PTPRN2: variants seen among roughly 807,000 people sequenced by gnomAD.
The protein encoded by PTPRN2 is protein tyrosine phosphatase receptor type N2, also known as receptor-type tyrosine-protein phosphatase N2.
A neutral mutation model predicts 118.8 loss-of-function variants in PTPRN2; 74 were observed. That is an observed-to-expected ratio of 0.62 (90% CI 0.52 to 0.76). PTPRN2 has a LOEUF of 0.76. PTPRN2 is among the 30% of genes least tolerant of loss of function. PTPRN2 has a pLI of 0.00. For missense variants in PTPRN2, 1,481 were observed against 1,394.4 expected (o/e 1.06, Z -0.99); for synonymous variants, 641 against 608.0 (o/e 1.05, Z -0.80).
chr7:157,810,123 G>A (rs912381813), intron 12 of PTPRN2, among the ~76,000 whole-genome samples: 1 of 152,250 alleles, frequency 6.6e-6, no homozygotes, highest in Admixed American at 6.5e-5. Flanking sequence ...ACAACACCCT[G>A]AGCTTCTGCG....
intron 13 of PTPRN2, among the ~76,000 whole-genome samples, chr7:157,682,230 G>A (rs909828206): frequency 6.6e-6 from 1 of 152,104 alleles, no homozygotes; most frequent in African/African-American, 2.4e-5. Context: ...ATGGGGACGC[G>A]TGTGGGTCAC....
chr7:158,054,070 A>G (rs1184902733), intron 11 of PTPRN2, among the ~76,000 whole-genome samples: 1 of 151,736 alleles, frequency 6.6e-6, no homozygotes, highest in Middle Eastern at 3.2e-3. Context: ...CTAGAGATGG[A>G]GAGACCCCAG....
At chr7:158,072,132 G>T (rs1422411449) in intron 11 of PTPRN2, among the ~76,000 whole-genome samples, 3 of 146,606 alleles carry the variant, frequency 2.0e-5, no homozygotes, top group Non-Finnish European at 4.5e-5. Flanking sequence ...AGGTGCTCAT[G>T]TAGGATCTAA....
intron 12 of PTPRN2, among the ~76,000 whole-genome samples, chr7:157,844,124 C>A (rs1482652585): frequency 6.6e-6 from 1 of 151,636 alleles, no homozygotes; most frequent in Non-Finnish European, 1.5e-5. Flanking sequence ...GTGTGGAATG[C>A]AGGCCCCTCC....
intron 1 of PTPRN2, among the ~76,000 whole-genome samples, chr7:158,516,079 C>T (rs779462092): frequency 2.6e-5 from 4 of 152,350 alleles, no homozygotes; most frequent in South Asian, 2.1e-4. Flanking sequence ...CTTCTCCCCA[C>T]GCCCCGGCCG....
intron 11 of PTPRN2, among the ~76,000 whole-genome samples, chr7:157,952,747 C>T (rs1008062175): frequency 9.9e-5 from 15 of 152,072 alleles, no homozygotes; most frequent in Non-Finnish European, 1.8e-4. Context: ...TGTGCACAGG[C>T]CTGCCTGCCA....
At chr7:157,620,436 G>A (rs951774662) in intron 15 of PTPRN2, among the ~76,000 whole-genome samples, 1 of 152,214 alleles carries the variant, frequency 6.6e-6, no homozygotes, top group African/African-American at 2.4e-5. Flanking sequence ...GGTAGTAGGT[G>A]CTCAGTTTGT....
At chr7:157,877,035 G>A (rs113825432) in intron 12 of PTPRN2, among the ~76,000 whole-genome samples, 8 of 151,976 alleles carry the variant, frequency 5.3e-5, no homozygotes, top group East Asian at 1.9e-4. Flanking sequence ...GGGTTTCCTC[G>A]GGGACCCCAT....
chr7:158,334,795 G>A (rs1366108528), intron 2 of PTPRN2, among the ~76,000 whole-genome samples: 1 of 51,010 alleles, frequency 2.0e-5, no homozygotes, highest in African/African-American at 7.6e-5. Flanking sequence ...TAGAGCTGAC[G>A]CCCGCAGACG....
intron 12 of PTPRN2, among the ~76,000 whole-genome samples, chr7:157,791,233 G>C (rs950579004): frequency 1.3e-5 from 2 of 152,226 alleles, no homozygotes; most frequent in African/African-American, 4.8e-5. Context: ...ACGTCCATTT[G>C]CTGTGATAAG....
At chr7:157,777,579 C>T (rs548470463) in intron 12 of PTPRN2, among the ~76,000 whole-genome samples, 171 of 152,360 alleles carry the variant, frequency 1.1e-3, no homozygotes, top group Non-Finnish European at 1.3e-3. Context: ...TCCTGTCCCC[C>T]GGACACTATG....
At chr7:158,410,509 C>G (rs1813959383) in intron 2 of PTPRN2, among the ~76,000 whole-genome samples, 3 of 152,208 alleles carry the variant, frequency 2.0e-5, no homozygotes, top group Admixed American at 2.0e-4. Context: ...GACTCTGAGG[C>G]ATGTGGGGTG....
At chr7:158,354,394 C>T (rs1022755088) in intron 2 of PTPRN2, among the ~76,000 whole-genome samples, 3 of 152,036 alleles carry the variant, frequency 2.0e-5, no homozygotes, top group African/African-American at 7.3e-5. Flanking sequence ...AACAAAGTGG[C>T]GATTTGTGAG....
At chr7:158,300,141 G>A (rs7802248) in intron 3 of PTPRN2, among the ~76,000 whole-genome samples, 137,255 of 152,206 alleles carry the variant, frequency 0.9, 62,306 homozygotes, top group Middle Eastern at 0.96. Flanking sequence ...CTGAAATGAT[G>A]ATATGGGTCA....
Position 157,966,811 on chromosome 7 carries a change from CTTCA to C in PTPRN2, c.1724-68078_1724-68075del, listed in dbSNP as rs370554619. ...CCATCATCTTCATCACCACCATCAT[CTTCA>C]TTATCACCATCACCATTATCACCAT... On this transcript the variant is annotated intron_variant, in intron 11 of 22. Coordinates refer to ENST00000389418, the MANE Select transcript of PTPRN2 (RefSeq NM_002847.5). Among the ~76,000 whole-genome samples the C allele has an allele frequency of 7.7e-3, 1,173 of 152,274 alleles. 10 individuals carry two copies. Among genetic ancestry groups the C allele is most frequent in the African/African-American group, 0.026 (1,090 of 41,526 alleles).
chr7:158,382,219 T>C (rs1811015645), intron 2 of PTPRN2, among the ~76,000 whole-genome samples: 1 of 151,922 alleles, frequency 6.6e-6, no homozygotes, highest in Non-Finnish European at 1.5e-5. Context: ...CCAACTCCCC[T>C]CCGTGAACAG....
At chr7:158,157,204 T>C (rs1334896705) in intron 6 of PTPRN2, among the ~76,000 whole-genome samples, 1 of 152,212 alleles carries the variant, frequency 6.6e-6, no homozygotes, top group African/African-American at 2.4e-5. Flanking sequence ...CTGGAAGGCC[T>C]CCCCCTTGGA....
chr7:158,395,661 CGAGGG>C (rs1812376060), intron 2 of PTPRN2, among the ~76,000 whole-genome samples: 1 of 75,220 alleles, frequency 1.3e-5, no homozygotes, highest in Non-Finnish European at 2.4e-5. Flanking sequence ...GGGAGAGGGG[CGAGGG>C]GCGAGGCGCG....
intron 12 of PTPRN2, among the ~76,000 whole-genome samples, chr7:157,686,361 A>T (rs1360068025): frequency 6.6e-6 from 1 of 152,150 alleles, no homozygotes; most frequent in Non-Finnish European, 1.5e-5. Flanking sequence ...GATTTAAAGA[A>T]TTTTTTTCTA....
Sources: allele counts gnomAD v4.1 joint callset (sites outside exome capture counted in the v4.1 genomes callset), GRCh38; gene constraint gnomAD v4.1.1; transcripts MANE v1.5; gene names NCBI Gene and HGNC (gene_info 2026-07-23, HGNC 2026-07-21).